ARHGEF26: variants seen among roughly 807,000 people sequenced by gnomAD.
ARHGEF26 encodes the protein Rho guanine nucleotide exchange factor (GEF) 26.
ARHGEF26 carries 59 observed loss-of-function variants against 89.4 expected under a neutral mutation model. That is an observed-to-expected ratio of 0.66 (90% CI 0.54 to 0.82). The LOEUF (loss-of-function observed/expected upper bound fraction) is 0.82. ARHGEF26 is among the 40% of genes least tolerant of loss of function. ARHGEF26 has a pLI of 0.00. For synonymous variants in ARHGEF26, 500 were observed against 428.4 expected, an observed-to-expected ratio of 1.17 and a Z score of -2.06; for missense variants, 1,234 against 1,085.6, an observed-to-expected ratio of 1.14 and a Z score of -1.92.
intron 14 of ARHGEF26, 75 bp downstream of exon 14, chr3:154,254,899 G>T: frequency 8.3e-7 from 1 of 1,205,948 alleles, no homozygotes. Context: ...GTGTCATTTT[G>T]TCATCATTGC....
intron 9 of ARHGEF26, among the ~76,000 whole-genome samples, chr3:154,216,509 ATTTTT>A (rs1273722931): frequency 1.9e-4 from 5 of 26,338 alleles, no homozygotes; most frequent in Non-Finnish European, 2.5e-4. Context: ...TTTATTTTTT[ATTTTT>A]TTTTTATGTC....
At chr3:154,144,960 TTCTC>T (rs1719611246) in intron 4 of ARHGEF26, among the ~76,000 whole-genome samples, 1 of 152,208 alleles carries the variant, frequency 6.6e-6, no homozygotes. Flanking sequence ...AAAAAAAGCG[TTCTC>T]TCTCTCTGTT....
At chr3:154,200,583 T>C (rs1714566435) in intron 9 of ARHGEF26, among the ~76,000 whole-genome samples, 1 of 152,016 alleles carries the variant, frequency 6.6e-6, no homozygotes, top group Non-Finnish European at 1.5e-5. Flanking sequence ...ATTTTTTATA[T>C]TTTTGTAAAG....
intron 4 of ARHGEF26, among the ~76,000 whole-genome samples, chr3:154,148,976 A>G (rs1559861988): frequency 6.6e-6 from 1 of 152,148 alleles, no homozygotes; most frequent in Non-Finnish European, 1.5e-5. Context: ...CCTTTCATAT[A>G]AAGTAGGGGG....
intron 9 of ARHGEF26, among the ~76,000 whole-genome samples, chr3:154,208,264 A>G (rs1414556045): frequency 6.6e-6 from 1 of 152,214 alleles, no homozygotes; most frequent in East Asian, 1.9e-4. Flanking sequence ...AACGTTGGAA[A>G]TAAAACAAAA....
At chr3:154,178,978 C>CT (rs1713010834) in intron 6 of ARHGEF26, among the ~76,000 whole-genome samples, 1 of 152,108 alleles carries the variant, frequency 6.6e-6, no homozygotes, top group Non-Finnish European at 1.5e-5. Flanking sequence ...TTGAAACTCT[C>CT]TAATAGGGCA....
At chr3:154,210,504 G>A (rs1021506403) in intron 9 of ARHGEF26, among the ~76,000 whole-genome samples, 1 of 151,716 alleles carries the variant, frequency 6.6e-6, no homozygotes, top group Non-Finnish European at 1.5e-5. Context: ...TAGTAGAGAC[G>A]GGGTTTCACC....
intron 6 of ARHGEF26, among the ~76,000 whole-genome samples, chr3:154,177,306 AC>A (rs1260062393): frequency 2.0e-5 from 3 of 152,234 alleles, no homozygotes; most frequent in Non-Finnish European, 4.4e-5. Flanking sequence ...AACTAAGTTC[AC>A]ATGCATTGGA....
At chr3:154,253,044 G>T in intron 12 of ARHGEF26, 72 bp from the exon 13 acceptor site, 1 of 1,553,554 alleles carries the variant, frequency 6.4e-7, no homozygotes, top group South Asian at 1.1e-5. Flanking sequence ...CTTTGCATTG[G>T]CTGCCTAGAA....
At chr3:154,164,337 T>C (rs1711859929) in intron 6 of ARHGEF26, among the ~76,000 whole-genome samples, 1 of 152,080 alleles carries the variant, frequency 6.6e-6, no homozygotes, top group African/African-American at 2.4e-5. Context: ...TCTCTAATTG[T>C]TTTAAGGATG....
At chr3:154,191,465 C>T (rs1259644118) in intron 8 of ARHGEF26, 47 bp downstream of exon 8, 22 of 1,566,952 alleles carry the variant, frequency 1.4e-5, no homozygotes, top group Non-Finnish European at 1.8e-5. Context: ...CTGTGCTTCT[C>T]TAAATCTGAT....
intron 6 of ARHGEF26, among the ~76,000 whole-genome samples, chr3:154,155,978 G>A (rs577126613): frequency 5.7e-4 from 87 of 151,976 alleles, no homozygotes; most frequent in African/African-American, 2.0e-3. Flanking sequence ...TCTAAAGAGT[G>A]GGATTTCATA....
chr3:154,123,131 G>C (rs1348673778), intron 2 of ARHGEF26, 56 bp downstream of exon 2: 1 of 1,597,120 alleles, frequency 6.3e-7, no homozygotes, highest in Non-Finnish European at 8.5e-7. Context: ...TAAATGTGTT[G>C]GGAGTGGGGA....
At chr3:154,123,480 A>G (rs1346486837) in intron 2 of ARHGEF26, among the ~76,000 whole-genome samples, 1 of 152,246 alleles carries the variant, frequency 6.6e-6, no homozygotes, top group Non-Finnish European at 1.5e-5. Flanking sequence ...GATAGCTGTT[A>G]TCACAGCTGA....
chr3:154,166,389 G>A (rs2108128486), intron 6 of ARHGEF26, among the ~76,000 whole-genome samples: 1 of 152,208 alleles, frequency 6.6e-6, no homozygotes, highest in South Asian at 2.1e-4. Context: ...GCTAGAGGTA[G>A]CAAACATATG....
At position 154,256,234 on chromosome 3, in the gene ARHGEF26, G is replaced by A; in HGVS notation, c.*761G>A. 2 of 985,430 alleles carry A rather than the reference G, an allele frequency of 2.0e-6. No homozygotes were observed. The highest frequency in any genetic ancestry group is 1.7e-5 in the African/African-American group (1 of 57,278). The allele number at this position is 985,430 out of a possible 1,614,324, so 61.0% of individuals were successfully genotyped here. On this transcript the variant is annotated 3_prime_UTR_variant, in exon 15 of 15. Coordinates refer to ENST00000465093, the MANE Select transcript of ARHGEF26 (RefSeq NM_015595.4). ...TGAGAAAAACCTGAATATAGGACAG[G>A]GGTCCTACTTTTTTCCCCACCTCTG...
At chr3:154,185,713 A>G (rs1233658957) in intron 6 of ARHGEF26, among the ~76,000 whole-genome samples, 1 of 152,068 alleles carries the variant, frequency 6.6e-6, no homozygotes, top group East Asian at 1.9e-4. Context: ...TTGAACTCAA[A>G]CTCTTCTCTT....
intron 4 of ARHGEF26, among the ~76,000 whole-genome samples, chr3:154,144,323 T>A (rs146791118): frequency 1.3e-5 from 2 of 152,312 alleles, no homozygotes; most frequent in African/African-American, 4.8e-5. Context: ...CGTTCTTTAT[T>A]TGTAAACTAG....
At chr3:154,246,927 G>A (rs1047423649) in intron 12 of ARHGEF26, among the ~76,000 whole-genome samples, 12 of 152,128 alleles carry the variant, frequency 7.9e-5, no homozygotes, top group African/African-American at 2.2e-4. Context: ...GTAGGGGTAC[G>A]TGCAGTGAGT....
Sources: gnomAD v4.1 joint callset for allele counts (sites outside exome capture counted in the v4.1 genomes callset) on GRCh38, gnomAD v4.1.1 for gene constraint, MANE v1.5 for transcripts, NCBI Gene and HGNC (gene_info 2026-07-23, HGNC 2026-07-21) for gene names.